The following ADAM12 variants were observed in gnomAD, a reference collection of about 807,000 sequenced individuals.
ADAM12 encodes disintegrin and metalloproteinase domain-containing protein 12.
In ADAM12, 70 loss-of-function variants were observed where a neutral mutation model predicts 106.4. The observed-to-expected ratio is 0.66, with a 90% CI of 0.54 to 0.80. The LOEUF (loss-of-function observed/expected upper bound fraction) is 0.80, where lower values mean the gene tolerates loss of function less well. Ranked by LOEUF, ADAM12 falls within the 30% of genes least tolerant of loss-of-function variation. ADAM12 has a pLI of 0.00. For synonymous variants in ADAM12, 420 were observed against 433.5 expected (o/e 0.97, Z 0.39); for missense variants, 1,010 against 1,171.9 (o/e 0.86, Z 2.02).
rs549166116 is a variant in ADAM12 at position 126,268,602 on chromosome 10, A to T, written c.260+10313T>A. 2.6e-5 allele frequency among the ~76,000 whole-genome samples: 4 copies of T among 152,332 alleles called. 1 individual carries two copies. Among genetic ancestry groups the T allele is most frequent in the African/African-American group, 9.6e-5 (4 of 41,580 alleles). On this transcript the variant is annotated intron_variant, in intron 3 of 22. Coordinates refer to ENST00000448723, the MANE Select transcript of ADAM12 (RefSeq NM_001288973.2). Reference sequence around the variant, plus strand: ...CTTTGTCATCACTAATGAACTGTGAAAACAATAGAAGTAAGAAACCAGTAA... The same window carrying T: ...CTTTGTCATCACTAATGAACTGTGATAACAATAGAAGTAAGAAACCAGTAA...
chr10:126,162,041 C>T (rs955118238), intron 3 of ADAM12, among the ~76,000 whole-genome samples: 2 of 152,140 alleles, frequency 1.3e-5, no homozygotes, highest in African/African-American at 4.8e-5. Context: ...TGGGATGACA[C>T]GTGACACCTA....
intron 2 of ADAM12, among the ~76,000 whole-genome samples, chr10:126,289,221 C>T (rs886824993): frequency 2.6e-5 from 4 of 152,214 alleles, no homozygotes; most frequent in Admixed American, 2.0e-4. Context: ...CCAAACCCTG[C>T]CAGGCTGTGG....
chr10:126,306,066 T>C (rs1960832912), intron 2 of ADAM12, among the ~76,000 whole-genome samples: 1 of 152,066 alleles, frequency 6.6e-6, no homozygotes, highest in African/African-American at 2.4e-5. Flanking sequence ...ATCCTTGTTT[T>C]TTAATTTTTC....
chr10:126,117,761 G>GGGA (rs545577867), intron 6 of ADAM12, among the ~76,000 whole-genome samples: 7 of 130,288 alleles, frequency 5.4e-5, no homozygotes, highest in African/African-American at 2.0e-4. Flanking sequence ...TAGAAGTTGG[G>GGGA]GGGGCGTAAT....
At chr10:126,061,446 T>C (rs1164165058) in intron 14 of ADAM12, among the ~76,000 whole-genome samples, 1 of 152,198 alleles carries the variant, frequency 6.6e-6, no homozygotes, top group Non-Finnish European at 1.5e-5. Flanking sequence ...GTGGCTCCCC[T>C]AAAAGGCCCA....
intron 2 of ADAM12, among the ~76,000 whole-genome samples, chr10:126,282,650 C>A (rs1959640790): frequency 6.6e-6 from 1 of 152,126 alleles, no homozygotes; most frequent in South Asian, 2.1e-4. Flanking sequence ...CAGCTGTAGT[C>A]CATCTATTTT....
In ADAM12 at chr10:126,201,351, A is replaced by G. The variant is rs540034884; in HGVS notation, c.261-46046T>C. ...CAGAGAGGAGGCTGCCATGAGACGA[A>G]ACAGAGATACAGAAGAGAAACAGGG... On this transcript the variant is annotated intron_variant, in intron 3 of 22. Transcript: ENST00000448723. 1.8e-4 allele frequency among the ~76,000 whole-genome samples: 28 copies of G among 152,258 alleles called. No individual in the cohort carries two copies. The Middle Eastern group carries it at 0.01, about 55-fold the overall frequency.
chr10:126,162,433 G>A (rs1164431084), intron 3 of ADAM12, among the ~76,000 whole-genome samples: 11 of 152,158 alleles, frequency 7.2e-5, no homozygotes, highest in Admixed American at 3.3e-4. Flanking sequence ...TGGTCAGGGC[G>A]CAGGGCCTGA....
intron 3 of ADAM12, among the ~76,000 whole-genome samples, chr10:126,159,131 A>G (rs939971063): frequency 1.2e-4 from 18 of 151,986 alleles, no homozygotes; most frequent in South Asian, 6.2e-4. Context: ...AATACGGTGA[A>G]ACCCCGTCTC....
intron 3 of ADAM12, among the ~76,000 whole-genome samples, chr10:126,230,113 T>C (rs1958280794): frequency 6.6e-6 from 1 of 152,156 alleles, no homozygotes; most frequent in African/African-American, 2.4e-5. Flanking sequence ...CTTTCCTGTC[T>C]TACCAAGCCC....
At chr10:126,299,954 T>G (rs1470252782) in intron 2 of ADAM12, among the ~76,000 whole-genome samples, 1 of 152,188 alleles carries the variant, frequency 6.6e-6, no homozygotes, top group South Asian at 2.1e-4. Flanking sequence ...CCACTCAACT[T>G]TTTTTCTCTG....
intron 1 of ADAM12, among the ~76,000 whole-genome samples, chr10:126,348,765 A>G (rs1855245292): frequency 6.6e-6 from 1 of 152,210 alleles, no homozygotes; most frequent in South Asian, 2.1e-4. Context: ...TTGGGATCCA[A>G]GTAGAATGAT....
Position 126,049,386 on chromosome 10 carries a change from G to A in ADAM12, c.1784C>T (p.Ala595Val), listed in dbSNP as rs763604132. 5.1e-5 allele frequency: 82 copies of A among 1,614,100 alleles called. 1 individual carries two copies. The highest frequency in any genetic ancestry group is 2.2e-5 in the East Asian group (1 of 44,894). Residue 595 changes from alanine (A) to valine (V), a missense_variant, in exon 16 of 23, where the codon GCC becomes GTC. This residue lies in a region of ADAM12 where 615 missense variants were observed against 708.5 expected (regional missense o/e 0.87). Coordinates refer to ENST00000448723, the MANE Select transcript of ADAM12 (RefSeq NM_001288973.2). The surrounding 1 kb of genome is among the most constrained non-coding windows in gnomAD (Gnocchi z 4.4). ...GGGGATGTTTGTTTCTATGGAAACG[G>A]CATTGGTACCAATGACTGGCCGGCT... ...GASRPVIGTN[A>V]VSIETNIPLQ... is the part of the protein sequence containing the mutation.
At chr10:126,182,597 TGA>T (rs912699483) in intron 3 of ADAM12, among the ~76,000 whole-genome samples, 8 of 151,012 alleles carry the variant, frequency 5.3e-5, no homozygotes, top group Non-Finnish European at 1.0e-4. Flanking sequence ...ATCAGGCACA[TGA>T]GAGAGAGAGA....
At position 126,036,220 on chromosome 10, in the gene ADAM12, G is replaced by A; in HGVS notation, c.2455C>T (p.Leu819Phe). 4.5e-6 allele frequency: 7 copies of A among 1,552,018 alleles called. No homozygotes were observed. The highest frequency in any genetic ancestry group is 6.1e-6 in the Non-Finnish European group (7 of 1,154,198). ...CTAGGTGCACGTGGAGCCCGGTGGA[G>A]GGGAGGAAGCACTCGCTGAGTTGAC... is the stretch of plus-strand genomic sequence containing the variant. Reference protein sequence around the residue: ...PQSTQRVLPPLHRAPRAPSVP... With the variant: ...PQSTQRVLPPFHRAPRAPSVP... Residue 819 changes from leucine to phenylalanine, a missense_variant, in exon 21 of 23, where the codon CTC (leucine) becomes TTC (phenylalanine). Transcript: ENST00000448723.
At chr10:126,119,796 A>C (rs1319337695) in intron 5 of ADAM12, among the ~76,000 whole-genome samples, 1 of 152,192 alleles carries the variant, frequency 6.6e-6, no homozygotes, top group African/African-American at 2.4e-5. Context: ...CCTGGAAATG[A>C]GTAATGCTAG....
intron 3 of ADAM12, among the ~76,000 whole-genome samples, chr10:126,247,307 A>C (rs1958649805): frequency 6.6e-6 from 1 of 152,232 alleles, no homozygotes; most frequent in African/African-American, 2.4e-5. Context: ...TAAAATGTTT[A>C]TGTATAATAT....
At chr10:126,371,857 T>G (rs184718700) in intron 1 of ADAM12, among the ~76,000 whole-genome samples, 37 of 152,312 alleles carry the variant, frequency 2.4e-4, no homozygotes, top group Non-Finnish European at 8.8e-5. Context: ...CTAGGAAAAT[T>G]CATGCCCCTG....
At chr10:126,357,390 G>A (rs1342539533) in intron 1 of ADAM12, among the ~76,000 whole-genome samples, 2 of 152,070 alleles carry the variant, frequency 1.3e-5, no homozygotes, top group African/African-American at 4.8e-5. Flanking sequence ...TCAGAAATAA[G>A]GGACAAATAA....
Sources: gnomAD v4.1 joint callset for allele counts (sites outside exome capture counted in the v4.1 genomes callset) on GRCh38, gnomAD v4.1.1 for gene constraint, gnomAD v4.1.1 regional missense constraint, Gnocchi (gnomAD v3.1) non-coding constraint, MANE v1.5 for transcripts, NCBI Gene and HGNC (gene_info 2026-07-23, HGNC 2026-07-21) for gene names.